ADGRL2: variants seen among roughly 807,000 people sequenced by gnomAD.
ADGRL2 encodes the protein calcium-independent alpha-latrotoxin receptor 2.
A neutral mutation model predicts 157.4 loss-of-function variants in ADGRL2; 44 were observed. The ratio of observed to expected loss-of-function variants is 0.28; its 90% CI spans 0.22 to 0.36. The LOEUF is 0.36. Among genes scored for constraint, ADGRL2 ranks in the 10% least tolerant of loss-of-function variants. The pLI is 1.00. For synonymous variants in ADGRL2, 585 were observed against 624.7 expected (o/e 0.94, Z 0.95); for missense variants, 1,510 against 1,768.9 (o/e 0.85, Z 2.63).
At chr1:81,367,494 G>C (rs1341145809) in intron 1 of ADGRL2, among the ~76,000 whole-genome samples, 1 of 152,170 alleles carries the variant, frequency 6.6e-6, no homozygotes, top group Non-Finnish European at 1.5e-5. Context: ...TCCTGGGTTA[G>C]TTTGCCAAGG....
intron 3 of ADGRL2, among the ~76,000 whole-genome samples, chr1:81,917,918 C>T (rs933896481): frequency 6.6e-6 from 1 of 152,180 alleles, no homozygotes; most frequent in Admixed American, 6.6e-5. Flanking sequence ...TCTTCTAAGG[C>T]ATTTGAACAA....
chr1:81,856,272 T>C (rs2093199450), intron 2 of ADGRL2, among the ~76,000 whole-genome samples: 1 of 152,178 alleles, frequency 6.6e-6, no homozygotes, highest in Non-Finnish European at 1.5e-5. Flanking sequence ...TGTTTTAGGA[T>C]ATCTGGGGTA....
chr1:81,511,425 CAT>C (rs1491366739), intron 2 of ADGRL2, among the ~76,000 whole-genome samples: 6 of 148,280 alleles, frequency 4.0e-5, no homozygotes, highest in Admixed American at 1.3e-4. Flanking sequence ...CACACACACA[CAT>C]AGACACATAC....
intron 3 of ADGRL2, among the ~76,000 whole-genome samples, chr1:81,661,931 A>G (rs2082659422): frequency 6.6e-6 from 1 of 152,224 alleles, no homozygotes; most frequent in South Asian, 2.1e-4. Context: ...CTACCAGGGA[A>G]GTATTACTTA....
intron 2 of ADGRL2, among the ~76,000 whole-genome samples, chr1:81,571,095 C>T (rs191034679): frequency 2.3e-4 from 35 of 152,012 alleles, no homozygotes; most frequent in African/African-American, 8.2e-4. Flanking sequence ...GAGGCTGAGG[C>T]GGGCAGATCA....
intron 3 of ADGRL2, among the ~76,000 whole-genome samples, chr1:81,668,855 C>A (rs1302666937): frequency 6.6e-6 from 1 of 152,148 alleles, no homozygotes; most frequent in African/African-American, 2.4e-5. Context: ...CAGGCGTGAG[C>A]CACTGCGCCT....
chr1:81,486,474 T>C (rs2078503658), intron 2 of ADGRL2, among the ~76,000 whole-genome samples: 1 of 152,166 alleles, frequency 6.6e-6, no homozygotes, highest in Non-Finnish European at 1.5e-5. Context: ...ATACACATAC[T>C]GAGATTTTAA....
At chr1:81,725,914 C>T (rs1320640485) in intron 1 of ADGRL2, among the ~76,000 whole-genome samples, 2 of 151,468 alleles carry the variant, frequency 1.3e-5, no homozygotes, top group Non-Finnish European at 1.5e-5. Flanking sequence ...ACCTGGGAGG[C>T]GGAGGTTGCA....
At chr1:81,521,501 A>G (rs1570369140) in intron 2 of ADGRL2, among the ~76,000 whole-genome samples, 1 of 152,194 alleles carries the variant, frequency 6.6e-6, no homozygotes, top group East Asian at 1.9e-4. Context: ...ATAAGGAAGT[A>G]ATCATTTTGT....
chr1:81,827,103 C>T (rs760261155), intron 1 of ADGRL2, among the ~76,000 whole-genome samples: 23 of 152,106 alleles, frequency 1.5e-4, no homozygotes, highest in Non-Finnish European at 3.1e-4. Flanking sequence ...AATTGGAAAG[C>T]TCTAAATATA....
chr1:81,863,093 G>A (rs150149715), intron 2 of ADGRL2, among the ~76,000 whole-genome samples: 8 of 152,234 alleles, frequency 5.3e-5, no homozygotes, highest in Admixed American at 5.2e-4. Flanking sequence ...GAGTCTAACA[G>A]TACAGTGAAG....
At chr1:81,622,031 C>G (rs1219264788) in intron 3 of ADGRL2, among the ~76,000 whole-genome samples, 1 of 152,162 alleles carries the variant, frequency 6.6e-6, no homozygotes, top group Non-Finnish European at 1.5e-5. Context: ...TATCCAATTC[C>G]AAACATAGCA....
chr1:81,950,892 T>C (rs1475971987), intron 7 of ADGRL2, 126 bp from the exon 8 acceptor site: 5 of 659,614 alleles, frequency 7.6e-6, no homozygotes, highest in South Asian at 1.8e-5. Flanking sequence ...TTGTCACTTA[T>C]TGTCAAATAC....
intron 1 of ADGRL2, among the ~76,000 whole-genome samples, chr1:81,757,111 G>C (rs1398085191): frequency 6.6e-6 from 1 of 152,126 alleles, no homozygotes; most frequent in African/African-American, 2.4e-5. Flanking sequence ...AATGGAATTG[G>C]CTAGTAAAAG....
chr1:81,369,469 T>C (rs1271457303), intron 1 of ADGRL2, among the ~76,000 whole-genome samples: 1 of 150,878 alleles, frequency 6.6e-6, no homozygotes, highest in Non-Finnish European at 1.5e-5. Context: ...CCAGAGTTGT[T>C]TTTGTTTGAG....
At chr1:81,676,222 G>A (rs957052347) in intron 3 of ADGRL2, among the ~76,000 whole-genome samples, 2 of 152,026 alleles carry the variant, frequency 1.3e-5, no homozygotes, top group Non-Finnish European at 2.9e-5. Flanking sequence ...TATTGGCCAG[G>A]CTGGTCTTGA....
chr1:81,783,349 C>T (rs1052193040), intron 2 of ADGRL2, among the ~76,000 whole-genome samples: 105 of 151,940 alleles, frequency 6.9e-4, no homozygotes, highest in East Asian at 4.7e-3. Flanking sequence ...ATGCTGGTCT[C>T]GAACTCCTGA....
At chr1:81,881,979 T>C (rs547481928) in intron 2 of ADGRL2, among the ~76,000 whole-genome samples, 10 of 152,264 alleles carry the variant, frequency 6.6e-5, no homozygotes, top group Non-Finnish European at 8.8e-5. Flanking sequence ...CCCCCCTTTT[T>C]TTCCTGAGTC....
intron 3 of ADGRL2, among the ~76,000 whole-genome samples, chr1:81,605,630 A>G (rs2081417395): frequency 6.6e-6 from 1 of 152,216 alleles, no homozygotes; most frequent in Non-Finnish European, 1.5e-5. Flanking sequence ...TTCTCTGATG[A>G]TGCCATCAGC....
Sources: allele counts gnomAD v4.1 joint callset (sites outside exome capture counted in the v4.1 genomes callset), GRCh38; gene constraint gnomAD v4.1.1; transcripts MANE v1.5; gene names NCBI Gene and HGNC (gene_info 2026-07-23, HGNC 2026-07-21).